The following KYAT3 variants were observed in gnomAD, a reference collection of about 807,000 sequenced individuals.
KYAT3 encodes kynurenine aminotransferase 3, also known as kynurenine--oxoglutarate transaminase 3.
Under a neutral mutation model 59.0 loss-of-function variants are expected in KYAT3, and 50 were observed. The observed-to-expected ratio is 0.85, with a 90% CI of 0.68 to 1.07. KYAT3 has a LOEUF of 1.07. Ranked by LOEUF, KYAT3 falls within the 50% of genes least tolerant of loss-of-function variation. KYAT3 has a pLI of 0.00. For synonymous variants in KYAT3, 148 were observed against 177.0 expected (o/e 0.84, Z 1.30); for missense variants, 497 against 533.3 (o/e 0.93, Z 0.67).
chr1:88,946,862 A>G (rs1002329613), intron 11 of KYAT3, among the ~76,000 whole-genome samples: 1 of 152,208 alleles, frequency 6.6e-6, no homozygotes, highest in Non-Finnish European at 1.5e-5. Flanking sequence ...CAACAAATGA[A>G]GAAATAAGCT....
chr1:88,929,544 G>T, the KYAT3 span, among the ~76,000 whole-genome samples: 5 of 152,162 alleles, frequency 3.3e-5, no homozygotes, highest in Admixed American at 3.3e-4. Context: ...CCAGGCATTA[G>T]CCCAAGACTT....
intron 8 of KYAT3, 78 bp from the exon 9 acceptor site, chr1:88,955,303 A>G: frequency 2.4e-6 from 2 of 838,466 alleles, no homozygotes; most frequent in Non-Finnish European, 3.9e-6. Flanking sequence ...CATAACAAAG[A>G]TACATAAATT....
At chr1:88,943,868 C>A (rs1019906111) in intron 11 of KYAT3, among the ~76,000 whole-genome samples, 1 of 152,158 alleles carries the variant, frequency 6.6e-6, no homozygotes, top group Admixed American at 6.5e-5. Context: ...TGTTTGGTAA[C>A]CTATCGTATT....
chr1:88,940,624 C>T (rs1339963219), intron 13 of KYAT3, among the ~76,000 whole-genome samples: 4 of 152,168 alleles, frequency 2.6e-5, no homozygotes, highest in African/African-American at 4.8e-5. Flanking sequence ...TTTTAGACCA[C>T]AGTTCTTACC....
intron 2 of KYAT3, among the ~76,000 whole-genome samples, chr1:88,978,737 C>G (rs1288800774): frequency 6.6e-6 from 1 of 151,732 alleles, no homozygotes; most frequent in Admixed American, 6.6e-5. Context: ...TCTCAAACTC[C>G]TGGGTTCAAG....
At chr1:88,962,424 A>G (rs3820242) in intron 5 of KYAT3, among the ~76,000 whole-genome samples, 68,896 of 152,002 alleles carry the variant, frequency 0.45, 15,894 homozygotes, top group Admixed American at 0.5. Flanking sequence ...ATATGCATAG[A>G]TAGATTTACC....
the KYAT3 span, among the ~76,000 whole-genome samples, chr1:88,926,420 C>T: frequency 6.6e-6 from 1 of 152,156 alleles, no homozygotes; most frequent in Non-Finnish European, 1.5e-5. Context: ...CCCAAGCAAT[C>T]CACCCCCCTC....
At chr1:88,975,298 C>G (rs1025703210) in intron 2 of KYAT3, among the ~76,000 whole-genome samples, 1 of 152,154 alleles carries the variant, frequency 6.6e-6, no homozygotes, top group Non-Finnish European at 1.5e-5. Context: ...ACTACCGGCA[C>G]GTGCCACCAT....
At chr1:88,923,827 G>A in the KYAT3 span, 1 of 188,798 alleles carries the variant, frequency 5.3e-6, no homozygotes, top group Middle Eastern at 5.0e-4. Context: ...GTTTTCAAAT[G>A]TCCCAGGTCA....
downstream of KYAT3, among the ~76,000 whole-genome samples, chr1:88,931,644 T>C (rs928299599): frequency 3.3e-5 from 5 of 152,018 alleles, no homozygotes; most frequent in Non-Finnish European, 7.4e-5. Context: ...GGTGACCACG[T>C]CCACCTTTAA....
At chr1:88,969,531 G>T in intron 2 of KYAT3, 64 bp from the exon 3 acceptor site, 1 of 850,578 alleles carries the variant, frequency 1.2e-6, no homozygotes, top group South Asian at 1.4e-5. Context: ...AGTAAATCAT[G>T]GGTCACTCTT....
rs530375965 is a variant in KYAT3 at position 88,983,540 on chromosome 1, G to A, written c.99+4712C>T. ...ACCTCTACTTCTTGGAGGTGGGGGC[G>A]GTCCATGTCTACCTCTTTCAAATGA... On this transcript the variant is annotated intron_variant, in intron 2 of 13. Transcript: ENST00000260508. 529 of 1,614,152 alleles carry A rather than the reference G, an allele frequency of 3.3e-4. 6 individuals are homozygous for A. The South Asian group carries it at 5.4e-3, about 17-fold the overall frequency.
chr1:88,967,146 T>C (rs986908105), intron 4 of KYAT3, among the ~76,000 whole-genome samples: 2 of 152,080 alleles, frequency 1.3e-5, no homozygotes, highest in African/African-American at 4.8e-5. Flanking sequence ...TCTATGTTCA[T>C]GAGAGATATT....
the KYAT3 span, among the ~76,000 whole-genome samples, chr1:88,921,856 A>C: frequency 6.6e-6 from 1 of 152,222 alleles, no homozygotes; most frequent in Non-Finnish European, 1.5e-5. Flanking sequence ...TGTTCTATTT[A>C]GACCTTCAAC....
At chr1:88,921,773 A>G in the KYAT3 span, among the ~76,000 whole-genome samples, 2 of 152,276 alleles carry the variant, frequency 1.3e-5, no homozygotes, top group South Asian at 4.1e-4. Flanking sequence ...ACTCAAGAAG[A>G]GCCAACATTG....
intron 4 of KYAT3, among the ~76,000 whole-genome samples, chr1:88,965,479 T>C (rs372881093): frequency 6.6e-6 from 1 of 152,048 alleles, no homozygotes; most frequent in Non-Finnish European, 1.5e-5. Flanking sequence ...TGATAGCAAA[T>C]GTTAGAAGGA....
intron 13 of KYAT3, among the ~76,000 whole-genome samples, chr1:88,940,554 T>C (rs942122866): frequency 4.6e-5 from 7 of 151,872 alleles, no homozygotes; most frequent in African/African-American, 1.7e-4. Flanking sequence ...GAGCAGAAAT[T>C]CTCCTTGTCT....
chr1:88,929,612 GC>G, the KYAT3 span, among the ~76,000 whole-genome samples: 3 of 152,168 alleles, frequency 2.0e-5, no homozygotes, highest in Non-Finnish European at 4.4e-5. Flanking sequence ...TTTAATTTTA[GC>G]CACTCGTTCA....
chr1:88,922,194 T>C, the KYAT3 span, among the ~76,000 whole-genome samples: 6 of 152,044 alleles, frequency 3.9e-5, no homozygotes, highest in Admixed American at 1.3e-4. Flanking sequence ...CACTGTAGCC[T>C]GAGTGACAGA....
Sources: allele counts gnomAD v4.1 joint callset (sites outside exome capture counted in the v4.1 genomes callset), GRCh38; gene constraint gnomAD v4.1.1; transcripts MANE v1.5; gene names NCBI Gene and HGNC (gene_info 2026-07-23, HGNC 2026-07-21).